Variants in FAM53B observed in about 807,000 individuals in gnomAD.
The protein encoded by FAM53B is protein FAM53B.
A neutral mutation model predicts 32.7 loss-of-function variants in FAM53B; 12 were observed. The observed-to-expected ratio is 0.37, with a 90% confidence interval of 0.24 to 0.59. The LOEUF (loss-of-function observed/expected upper bound fraction) is 0.59, where lower values mean the gene tolerates loss of function less well. Among genes scored for constraint, FAM53B ranks in the 20% least tolerant of loss-of-function variants. The pLI, the probability that FAM53B is intolerant of heterozygous loss-of-function variation, is 0.72. For missense variants in FAM53B, 477 were observed against 577.7 expected (o/e 0.83, Z 1.79); for synonymous variants, 234 against 228.7 (o/e 1.02, Z -0.21).
At chr10:124,730,555 CT>C (rs1950136039) in intron 1 of FAM53B, among the ~76,000 whole-genome samples, 2 of 152,240 alleles carry the variant, frequency 1.3e-5, no homozygotes, top group Admixed American at 1.3e-4. Flanking sequence ...AATACCTCCT[CT>C]GCACTTTTGG....
intron 4 of FAM53B, among the ~76,000 whole-genome samples, chr10:124,639,709 T>C (rs1051133603): frequency 1.3e-5 from 2 of 152,090 alleles, no homozygotes; most frequent in Non-Finnish European, 2.9e-5. Flanking sequence ...TTTTGTTCAT[T>C]ACTGTTTAAA....
At chr10:124,662,966 G>A (rs1162973100) in intron 4 of FAM53B, among the ~76,000 whole-genome samples, 1 of 152,230 alleles carries the variant, frequency 6.6e-6, no homozygotes, top group Non-Finnish European at 1.5e-5. Flanking sequence ...ATGCCCACCT[G>A]TCTACAAGCC....
At chr10:124,690,688 AG>A (rs1276573804) in intron 3 of FAM53B, among the ~76,000 whole-genome samples, 1 of 152,266 alleles carries the variant, frequency 6.6e-6, no homozygotes, top group East Asian at 1.9e-4. Context: ...GAATGGTACA[AG>A]GAAGAATTTA....
intron 4 of FAM53B, among the ~76,000 whole-genome samples, chr10:124,629,341 T>C (rs1459636351): frequency 6.6e-6 from 1 of 152,196 alleles, no homozygotes; most frequent in African/African-American, 2.4e-5. Context: ...GAAGACCACT[T>C]CCCTCCTGTG....
At chr10:124,686,370 G>A (rs1253009049) in intron 3 of FAM53B, among the ~76,000 whole-genome samples, 1 of 152,186 alleles carries the variant, frequency 6.6e-6, no homozygotes, top group Non-Finnish European at 1.5e-5. Context: ...CTTTGTCGTA[G>A]GGAAGATTCG....
At chr10:124,730,310 C>A (rs1237201082) in intron 1 of FAM53B, among the ~76,000 whole-genome samples, 1 of 152,320 alleles carries the variant, frequency 6.6e-6, no homozygotes, top group East Asian at 1.9e-4. Context: ...GGGCACTGGA[C>A]ATGGCAGAGT....
intron 4 of FAM53B, among the ~76,000 whole-genome samples, chr10:124,657,371 T>C (rs1379763726): frequency 2.0e-5 from 3 of 152,172 alleles, no homozygotes; most frequent in Admixed American, 6.5e-5. Context: ...TGGTAAATGA[T>C]GATTTAAAAT....
At chr10:124,652,739 T>C (rs964681199) in intron 4 of FAM53B, among the ~76,000 whole-genome samples, 9 of 152,188 alleles carry the variant, frequency 5.9e-5, no homozygotes, top group African/African-American at 1.2e-4. Context: ...ATCTGTCCTA[T>C]ATGGCTCCAG....
intron 4 of FAM53B, among the ~76,000 whole-genome samples, chr10:124,635,379 G>A (rs931915529): frequency 3.3e-5 from 5 of 152,178 alleles, no homozygotes; most frequent in East Asian, 1.9e-4. Flanking sequence ...GAGCCACCAC[G>A]CTCGGCCGAC....
chr10:124,668,233 C>A (rs1383412952), intron 4 of FAM53B, among the ~76,000 whole-genome samples: 2 of 152,242 alleles, frequency 1.3e-5, no homozygotes, highest in Non-Finnish European at 2.9e-5. Context: ...CATAATCAGC[C>A]AACATCTGCG....
At chr10:124,649,072 T>C (rs1186752257) in intron 4 of FAM53B, among the ~76,000 whole-genome samples, 8 of 152,202 alleles carry the variant, frequency 5.3e-5, no homozygotes, top group Admixed American at 5.2e-4. Context: ...CACTGCCCCA[T>C]CATCAGCTAA....
At chr10:124,636,334 C>T (rs912050219) in intron 4 of FAM53B, among the ~76,000 whole-genome samples, 1 of 152,084 alleles carries the variant, frequency 6.6e-6, no homozygotes, top group African/African-American at 2.4e-5. Flanking sequence ...GACAAAAAAC[C>T]TCTACCAGCC....
Position 124,620,749 on chromosome 10 carries a change from C to G in FAM53B, c.*2493G>C, listed in dbSNP as rs1949305321. 1 of 152,442 alleles carries G rather than the reference C, an allele frequency of 6.6e-6. No individual in the cohort carries two copies. The highest frequency in any genetic ancestry group is 2.4e-5 in the African/African-American group (1 of 41,452). 9.4% of individuals were successfully genotyped at this position (152,442 alleles called of 1,614,324 possible). On this transcript the variant is annotated 3_prime_UTR_variant, in exon 5 of 5. Coordinates refer to ENST00000337318, the MANE Select transcript of FAM53B (RefSeq NM_014661.4). ...TAGGGTCTACTCCCTCCAGTCAAAA[C>G]ACAAACATGAAACCAGCTAAAGGCC...
In FAM53B at chr10:124,708,053, T is replaced by C. The variant is rs1437345161; in HGVS notation, c.-174-1166A>G. 2.6e-5 allele frequency: 4 copies of C among 152,230 alleles called. No homozygotes were observed. The East Asian group carries it at 7.7e-4, about 29-fold the overall frequency. The allele number at this position is 152,230 out of a possible 1,614,324, so 9.4% of individuals were successfully genotyped here. A position where few individuals can be genotyped will look rare whatever the true frequency, so the allele number is the denominator to read the frequency against. ...TTCTATTTCCCCATGTGGCTAAACC[T>C]TCAAAGAAAGTCACACAGATACAAG... On this transcript the variant is annotated intron_variant, in intron 1 of 4. Transcript: ENST00000337318.
rs902782598 is a variant in FAM53B, at chr10:124,626,091, G to A, written c.907-2487C>T. Among the ~76,000 whole-genome samples, 6 of 152,270 alleles carry A rather than the reference G, an allele frequency of 3.9e-5. No individual in the cohort carries two copies. The East Asian group carries it at 5.8e-4, about 15-fold the overall frequency. On this transcript the variant is annotated intron_variant, in intron 4 of 4. Coordinates refer to ENST00000337318, the MANE Select transcript of FAM53B (RefSeq NM_014661.4). ...GTGTCAGCCACATCTGTTGAGATGC[G>A]TGTGCCTGACGCCCGAACGCGTGCC...
chr10:124,741,612 T>C (rs1218514340), intron 1 of FAM53B, among the ~76,000 whole-genome samples: 1 of 152,126 alleles, frequency 6.6e-6, no homozygotes, highest in Non-Finnish European at 1.5e-5. Context: ...CCAAGCCCAC[T>C]AGGCTTCTGT....
intron 1 of FAM53B, among the ~76,000 whole-genome samples, chr10:124,711,040 C>T (rs1949998780): frequency 6.6e-6 from 1 of 152,174 alleles, no homozygotes; most frequent in Admixed American, 6.5e-5. Flanking sequence ...TTCATAACAG[C>T]CAAAACCAGG....
At chr10:124,643,554 G>C (rs550364465) in intron 4 of FAM53B, among the ~76,000 whole-genome samples, 28 of 152,266 alleles carry the variant, frequency 1.8e-4, no homozygotes, top group Admixed American at 1.8e-3. Flanking sequence ...CCAGCGGGGG[G>C]GTGCAGGGCT....
chr10:124,664,207 G>A (rs538063029), intron 4 of FAM53B, among the ~76,000 whole-genome samples: 2 of 152,178 alleles, frequency 1.3e-5, no homozygotes, highest in Non-Finnish European at 2.9e-5. Context: ...CTGGCCCCCA[G>A]GGCTGCCTGA....
Sources: allele counts gnomAD v4.1 joint callset (sites outside exome capture counted in the v4.1 genomes callset), GRCh38; gene constraint gnomAD v4.1.1; transcripts MANE v1.5; gene names NCBI Gene and HGNC (gene_info 2026-07-23, HGNC 2026-07-21).